Variants in USP13 observed in about 807,000 individuals in gnomAD.
The protein encoded by USP13 is ubiquitin specific peptidase 13, also known as ubiquitin carboxyl-terminal hydrolase 13.
A neutral mutation model predicts 107.8 loss-of-function variants in USP13; 68 were observed. The ratio of observed to expected loss-of-function variants is 0.63; its 90% CI spans 0.52 to 0.77. The LOEUF (loss-of-function observed/expected upper bound fraction) is 0.77, where lower values mean the gene tolerates loss of function less well. Among genes scored for constraint, USP13 ranks in the 30% least tolerant of loss-of-function variants. USP13 has a pLI of 0.00. For missense variants in USP13, 945 were observed against 1,093.3 expected, an observed-to-expected ratio of 0.86 and a Z score of 1.91; for synonymous variants, 377 against 389.5, an observed-to-expected ratio of 0.97 and a Z score of 0.38.
chr3:179,754,604 A>G, intron 14 of USP13, 128 bp from the exon 15 acceptor site: 3 of 1,258,142 alleles, frequency 2.4e-6, no homozygotes, highest in Non-Finnish European at 3.1e-6. Flanking sequence ...TGGTCGAGCA[A>G]CATATTCTAG....
intron 1 of USP13, among the ~76,000 whole-genome samples, chr3:179,674,620 G>GT (rs113288787): frequency 1.1e-3 from 170 of 149,378 alleles, no homozygotes; most frequent in East Asian, 5.9e-3. Context: ...GCACAAATTA[G>GT]TTTTTTTTTT....
intron 10 of USP13, among the ~76,000 whole-genome samples, chr3:179,731,015 A>G (rs1416135821): frequency 6.6e-6 from 1 of 152,178 alleles, no homozygotes; most frequent in African/African-American, 2.4e-5. Context: ...AAAAATATAA[A>G]CATTTTCCCT....
At chr3:179,772,962 C>T (rs1272710576) in intron 19 of USP13, among the ~76,000 whole-genome samples, 2 of 152,206 alleles carry the variant, frequency 1.3e-5, no homozygotes, top group African/African-American at 4.8e-5. Flanking sequence ...ATACTCCTCC[C>T]TCCCACACTG....
intron 13 of USP13, among the ~76,000 whole-genome samples, chr3:179,750,326 G>GTGTATATATATATATATA (rs1553797370): frequency 9.6e-4 from 73 of 75,834 alleles, no homozygotes; most frequent in East Asian, 3.1e-3. Context: ...ATATATGTGT[G>GTGTATATATATATATATA]TATATATATA....
intron 1 of USP13, among the ~76,000 whole-genome samples, chr3:179,670,909 G>A (rs1720732532): frequency 6.6e-6 from 1 of 152,128 alleles, no homozygotes; most frequent in Admixed American, 6.5e-5. Flanking sequence ...TGTTGGCCAA[G>A]CTGGCTCGAA....
chr3:179,730,509 T>C (rs979748437), intron 9 of USP13, 107 bp from the exon 10 acceptor site: 7 of 963,112 alleles, frequency 7.3e-6, no homozygotes, highest in Non-Finnish European at 1.1e-5. Context: ...GCAGATCAAA[T>C]GCTCCACCTA....
chr3:179,774,123 C>T (rs758973174), intron 19 of USP13, among the ~76,000 whole-genome samples: 14 of 152,138 alleles, frequency 9.2e-5, no homozygotes, highest in African/African-American at 1.9e-4. Context: ...GAGGAGCAAG[C>T]GTGTCACGTG....
At chr3:179,666,836 T>C (rs1291545626) in intron 1 of USP13, among the ~76,000 whole-genome samples, 1 of 152,154 alleles carries the variant, frequency 6.6e-6, no homozygotes, top group African/African-American at 2.4e-5. Flanking sequence ...CAAAACGACA[T>C]CTGCTTCTCA....
intron 3 of USP13, among the ~76,000 whole-genome samples, chr3:179,696,816 C>T (rs965897824): frequency 6.6e-6 from 1 of 151,968 alleles, no homozygotes; most frequent in African/African-American, 2.4e-5. Context: ...AGTAGAGAAG[C>T]GAGGAGGTAA....
intron 1 of USP13, among the ~76,000 whole-genome samples, chr3:179,673,406 C>G (rs939580853): frequency 2.6e-5 from 4 of 152,220 alleles, no homozygotes; most frequent in African/African-American, 9.6e-5. Flanking sequence ...TCCTGCCCCC[C>G]CTGCCCTGTA....
chr3:179,685,539 A>G (rs1711837842), intron 2 of USP13, among the ~76,000 whole-genome samples: 1 of 151,782 alleles, frequency 6.6e-6, no homozygotes, highest in Non-Finnish European at 1.5e-5. Context: ...CTACTGAATG[A>G]TTTCCACTCA....
chr3:179,710,421 G>T (rs1370857639), intron 6 of USP13, among the ~76,000 whole-genome samples: 1 of 152,150 alleles, frequency 6.6e-6, no homozygotes, highest in African/African-American at 2.4e-5. Context: ...GTCTTGTGTA[G>T]TTGCCTTTAT....
intron 18 of USP13, 51 bp from the exon 19 acceptor site, chr3:179,765,644 G>T: frequency 5.0e-6 from 8 of 1,597,126 alleles, no homozygotes; most frequent in Non-Finnish European, 6.8e-6. Context: ...GACATAGTGA[G>T]GCCTGAGGCT....
At chr3:179,688,078 T>TATCCATCCATCCATCCGTCCGTCC (rs1560049143) in intron 2 of USP13, among the ~76,000 whole-genome samples, 38 of 87,412 alleles carry the variant, frequency 4.3e-4, no homozygotes, top group South Asian at 3.9e-3. Context: ...GTAATCAGGA[T>TATCCATCCATCCATCCGTCCGTCC]ATCCATCCAT....
At position 179,687,659 on chromosome 3, in the gene USP13, C is replaced by CA. The variant is rs71182509; in HGVS notation, c.295-2556dup. Among the ~76,000 whole-genome samples the CA allele has an allele frequency of 2.9e-3, 54 of 18,522 alleles. 11 individuals are homozygous for CA. The South Asian group carries it at 0.041, about 14-fold the overall frequency. The allele number at this position is 18,522 out of a possible 152,430, so 12.2% of individuals were successfully genotyped here. A position where few individuals can be genotyped will look rare whatever the true frequency, so the allele number is the denominator to read the frequency against. On this transcript the variant is annotated intron_variant, in intron 2 of 20. Coordinates refer to ENST00000263966, the MANE Select transcript of USP13 (RefSeq NM_003940.3). ...GGGCAACAAGAGTGAAACTCTGTCT[C>CA]AAAAAAAAAAAAAAAAAAAAAAAAA...
intron 2 of USP13, among the ~76,000 whole-genome samples, chr3:179,683,957 T>C (rs1711764203): frequency 6.6e-6 from 1 of 152,086 alleles, no homozygotes; most frequent in Non-Finnish European, 1.5e-5. Context: ...TATCACCCTT[T>C]TCGTTTTATT....
chr3:179,738,225 G>C (rs982823180), intron 10 of USP13, among the ~76,000 whole-genome samples: 1 of 152,216 alleles, frequency 6.6e-6, no homozygotes, highest in Non-Finnish European at 1.5e-5. Context: ...TCAGAGGAGA[G>C]GAATATGGTC....
chr3:179,674,056 G>A (rs1720822592), intron 1 of USP13, among the ~76,000 whole-genome samples: 1 of 152,152 alleles, frequency 6.6e-6, no homozygotes, highest in African/African-American at 2.4e-5. Flanking sequence ...ACTACGCCCG[G>A]CTAATTTTGT....
At position 179,711,493 on chromosome 3, in the gene USP13, G is replaced by A. The variant is rs949999858; in HGVS notation, c.805+2536G>A. ...CTCTCAAAGTGTTGGGATTACAGGC[G>A]AGAGCCACCATGCCCAGCCAAATTT... On this transcript the variant is annotated intron_variant, in intron 6 of 20. Coordinates refer to ENST00000263966, the MANE Select transcript of USP13 (RefSeq NM_003940.3). Among the ~76,000 whole-genome samples the A allele has an allele frequency of 8.5e-5, 13 of 152,256 alleles. No homozygotes were observed. The East Asian group carries it at 9.6e-4, about 11-fold the overall frequency.
Sources: allele counts gnomAD v4.1 joint callset (sites outside exome capture counted in the v4.1 genomes callset), GRCh38; gene constraint gnomAD v4.1.1; transcripts MANE v1.5; gene names NCBI Gene and HGNC (gene_info 2026-07-23, HGNC 2026-07-21).